GAL3ST2: variants seen among roughly 807,000 people sequenced by gnomAD.
GAL3ST2 encodes galactose-3-O-sulfotransferase 2.
GAL3ST2 carries 16 observed loss-of-function variants against 12.9 expected under a neutral mutation model. That is an observed-to-expected ratio of 1.24 (90% CI 0.84 to 1.88). The LOEUF (loss-of-function observed/expected upper bound fraction) is 1.88. GAL3ST2 is among the 40% of genes most tolerant of loss of function. The probability of loss-of-function intolerance (pLI) is 0.00; values close to 1 mark genes in which losing one functional copy is unlikely to be tolerated. For synonymous variants in GAL3ST2, 302 were observed against 273.9 expected (o/e 1.10, Z -1.01); for missense variants, 639 against 571.8 (o/e 1.12, Z -1.20).
chr2:241,795,330 G>A lies in GAL3ST2; in HGVS notation c.30-3735G>A, dbSNP rs1388267376. ...CTCTGGAAACGTCATTGTTTTAATT[G>A]GGCAGTTGCAAAGAACAGAGACAGA... On this transcript the variant is annotated intron_variant, in intron 1 of 3. Transcript: ENST00000192314. The surrounding 1 kb of genome is among the most constrained non-coding windows in gnomAD (Gnocchi z 4.5). 6.6e-6 allele frequency among the ~76,000 whole-genome samples: 1 copy of A among 152,180 alleles called. No homozygotes were observed.
chr2:241,785,472 G>A (rs143278542), intron 1 of GAL3ST2, among the ~76,000 whole-genome samples: 318 of 150,368 alleles, frequency 2.1e-3, no homozygotes, highest in African/African-American at 7.5e-3. Context: ...AGACTCGCTT[G>A]AACCTGGGAG....
In GAL3ST2 at chr2:241,793,028, G is replaced by T. The variant is rs571170328; in HGVS notation, c.30-6037G>T. On this transcript the variant is annotated intron_variant, in intron 1 of 3. Transcript: ENST00000192314. This position sits in a 1 kb window ranked among gnomAD's most constrained non-coding sequence, Gnocchi z 4.7. Reference sequence around the variant, plus strand: ...TCGAGCCATCCTGCCTCTCCAGACCGAACCAATGTTCGTCCTGCATATGCG... The same window carrying T: ...TCGAGCCATCCTGCCTCTCCAGACCTAACCAATGTTCGTCCTGCATATGCG... Among the ~76,000 whole-genome samples, 3 of 152,236 alleles carry T rather than the reference G, an allele frequency of 2.0e-5. No individual in the cohort carries two copies. The highest frequency in any genetic ancestry group is 6.5e-5 in the Admixed American group (1 of 15,286).
chr2:241,776,897 G>T lies in GAL3ST2; in HGVS notation c.-59G>T. The T allele has an allele frequency of 1.4e-6, 2 of 1,396,712 alleles. No individual in the cohort carries two copies. The highest frequency in any genetic ancestry group is 1.7e-5 in the South Asian group (1 of 60,168). 86.5% of individuals were successfully genotyped at this position (1,396,712 alleles called of 1,614,324 possible). A position where few individuals can be genotyped will look rare whatever the true frequency, so the allele number is the denominator to read the frequency against. On this transcript the variant is annotated 5_prime_UTR_variant, in exon 1 of 4. Transcript: ENST00000192314. ...CCCAGAGCCGGCAGGGGCCGAGGCG[G>T]TGGGACCTCGGGGGAGCTCAAGCCT...
Position 241,804,074 on chromosome 2 carries a change from C to T in GAL3ST2, c.1105C>T (p.Leu369Phe). 1 of 1,544,364 alleles carries T rather than the reference C, an allele frequency of 6.5e-7. No individual in the cohort carries two copies. The highest frequency in any genetic ancestry group is 2.5e-5 in the East Asian group (1 of 39,290). ...DNQTLGVCQR[L>F]VMPELQYMAR... ...CCAGACGCTGGGCGTGTGCCAGAGG[C>T]TTGTGATGCCTGAGCTCCAGTACAT... Residue 369 changes from leucine (L) to phenylalanine (F), a missense_variant, in exon 4 of 4, where the codon CTT becomes TTT. Leu to Phe is a conservative substitution (Grantham distance 22). Coordinates refer to ENST00000192314, the MANE Select transcript of GAL3ST2 (RefSeq NM_022134.3).
In GAL3ST2 at chr2:241,800,403, C is replaced by T. The variant is rs1434360222; in HGVS notation, c.119+1249C>T. Among the ~76,000 whole-genome samples the T allele has an allele frequency of 6.6e-6, 1 of 152,072 alleles. No homozygotes were observed. The highest frequency in any genetic ancestry group is 1.9e-4 in the East Asian group (1 of 5,194). ...AGGGGCTTACGCTGAACGGCTTGGC[C>T]AAGTACACGTTCAGCAGGTGACGGG... On this transcript the variant is annotated intron_variant, in intron 2 of 3. Coordinates refer to ENST00000192314, the MANE Select transcript of GAL3ST2 (RefSeq NM_022134.3). The surrounding 1 kb of genome is among the most constrained non-coding windows in gnomAD (Gnocchi z 5.2).
Position 241,800,035 on chromosome 2 carries a change from T to G in GAL3ST2, c.119+881T>G, listed in dbSNP as rs1235583987. On this transcript the variant is annotated intron_variant, in intron 2 of 3. Transcript: ENST00000192314. The surrounding 1 kb of genome is among the most constrained non-coding windows in gnomAD (Gnocchi z 5.2). ...GTGTGGCTGAGGTCACAAAGCCAGC[T>G]GCATGTGCGTGCCTGGGCACCAGGG... Among the ~76,000 whole-genome samples, 1 of 152,232 alleles carries G rather than the reference T, an allele frequency of 6.6e-6. No individual in the cohort carries two copies. The highest frequency in any genetic ancestry group is 1.5e-5 in the Non-Finnish European group (1 of 68,042).
chr2:241,779,982 G>A (rs1361989819), intron 1 of GAL3ST2, among the ~76,000 whole-genome samples: 1 of 146,858 alleles, frequency 6.8e-6, no homozygotes, highest in Non-Finnish European at 1.5e-5. Flanking sequence ...GCACAATCCC[G>A]TCTCAAAAAA....
chr2:241,791,835 T>C (rs1699696287), intron 1 of GAL3ST2, among the ~76,000 whole-genome samples: 1 of 152,204 alleles, frequency 6.6e-6, no homozygotes, highest in Non-Finnish European at 1.5e-5. Context: ...GTTTCAATAC[T>C]ATGGTACACC....
Position 241,795,414 on chromosome 2 carries a change from G to C in GAL3ST2, c.30-3651G>C, listed in dbSNP as rs1699760849. Among the ~76,000 whole-genome samples, 1 of 152,220 alleles carries C rather than the reference G, an allele frequency of 6.6e-6. No homozygotes were observed. The highest frequency in any genetic ancestry group is 1.5e-5 in the Non-Finnish European group (1 of 68,046). ...AAGTGTGAAAGCAGCATCTCAAACA[G>C]ATGGCCAGTGCGTCCCATAAAAGTG... is the stretch of plus-strand genomic sequence containing the variant. On this transcript the variant is annotated intron_variant, in intron 1 of 3. Transcript: ENST00000192314. This position sits in a 1 kb window ranked among gnomAD's most constrained non-coding sequence, Gnocchi z 4.5.
At chr2:241,788,309 C>T (rs904305549) in intron 1 of GAL3ST2, among the ~76,000 whole-genome samples, 3 of 152,004 alleles carry the variant, frequency 2.0e-5, no homozygotes, top group African/African-American at 7.3e-5. Context: ...GATTTGACCT[C>T]GGCGTGTATA....
intron 1 of GAL3ST2, among the ~76,000 whole-genome samples, chr2:241,798,077 G>T (rs746466692): frequency 6.6e-6 from 1 of 152,220 alleles, no homozygotes; most frequent in Non-Finnish European, 1.5e-5. Context: ...TGGCTGCTCT[G>T]TACTGATGGG....
Position 241,801,360 on chromosome 2 carries a change from G to C in GAL3ST2, c.120-421G>C, listed in dbSNP as rs1699841425. On this transcript the variant is annotated intron_variant, in intron 2 of 3. Coordinates refer to ENST00000192314, the MANE Select transcript of GAL3ST2 (RefSeq NM_022134.3). The surrounding 1 kb of genome is among the most constrained non-coding windows in gnomAD (Gnocchi z 4.4). Reference sequence around the variant, plus strand: ...GCCACATTTTCTTTACGGTCTCTATGTAACATTCACACCCGGCAGCTGCTG... The same window carrying C: ...GCCACATTTTCTTTACGGTCTCTATCTAACATTCACACCCGGCAGCTGCTG... 4.4e-6 allele frequency: 1 copy of C among 226,812 alleles called. No homozygotes were observed. Among genetic ancestry groups the C allele is most frequent in the Admixed American group, 5.2e-5 (1 of 19,180 alleles). 14.0% of individuals were successfully genotyped at this position (226,812 alleles called of 1,614,324 possible).
chr2:241,778,654 G>A (rs965158321), intron 1 of GAL3ST2, among the ~76,000 whole-genome samples: 1 of 152,156 alleles, frequency 6.6e-6, no homozygotes, highest in Non-Finnish European at 1.5e-5. Context: ...CTTTGCCAAG[G>A]GTGAGGACGT....
At chr2:241,788,096 A>G (rs1699650190) in intron 1 of GAL3ST2, among the ~76,000 whole-genome samples, 1 of 152,182 alleles carries the variant, frequency 6.6e-6, no homozygotes, top group African/African-American at 2.4e-5. Context: ...AGGACTCTAG[A>G]GAAGGCTTCT....
chr2:241,782,997 C>T (rs1348131158), intron 1 of GAL3ST2, among the ~76,000 whole-genome samples: 3 of 151,912 alleles, frequency 2.0e-5, no homozygotes, highest in Non-Finnish European at 4.4e-5. Flanking sequence ...AAATTAGCTT[C>T]GTATGGTGGT....
chr2:241,792,116 C>G (rs1443277792), intron 1 of GAL3ST2, among the ~76,000 whole-genome samples: 1 of 151,078 alleles, frequency 6.6e-6, no homozygotes, highest in Non-Finnish European at 1.5e-5. Context: ...TGGGTTCAAG[C>G]AATTCTCCTC....
At chr2:241,798,036 G>A (rs1031433502) in intron 1 of GAL3ST2, among the ~76,000 whole-genome samples, 2 of 152,146 alleles carry the variant, frequency 1.3e-5, no homozygotes, top group African/African-American at 4.8e-5. Context: ...CAGCCCACGT[G>A]GTAGCCCCAC....
In GAL3ST2 at chr2:241,801,926, C is replaced by T. The variant is rs138748214; in HGVS notation, c.265C>T (p.Arg89Cys). Residue 89 changes from arginine (R) to cysteine (C), a missense_variant, in exon 3 of 4, where the codon CGC (arginine) becomes TGC (cysteine). Physicochemically the swap from Arg to Cys is radical, Grantham distance 180. Coordinates refer to ENST00000192314, the MANE Select transcript of GAL3ST2 (RefSeq NM_022134.3). This position sits in a 1 kb window ranked among gnomAD's most constrained non-coding sequence, Gnocchi z 4.4. ...NLSVALPAGS[R>C]VHLGYPWLFL... ...GTCCGTGGCGCTGCCCGCCGGCTCA[C>T]GCGTCCACCTGGGCTACCCCTGGCT... 79 of 1,613,010 alleles carry T rather than the reference C, an allele frequency of 4.9e-5. No individual in the cohort carries two copies. The highest frequency in any genetic ancestry group is 1.6e-4 in the East Asian group (7 of 44,876).
At chr2:241,783,165 G>A in intron 1 of GAL3ST2, among the ~76,000 whole-genome samples, 1 of 150,944 alleles carries the variant, frequency 6.6e-6, no homozygotes. Context: ...CACAAAAAAA[G>A]TTTAATCTCA....
Sources: allele counts gnomAD v4.1 joint callset (sites outside exome capture counted in the v4.1 genomes callset), GRCh38; gene constraint gnomAD v4.1.1; non-coding constraint Gnocchi (gnomAD v3.1); transcripts MANE v1.5; gene names NCBI Gene and HGNC (gene_info 2026-07-23, HGNC 2026-07-21).